Variants in LRP1 observed in about 807,000 individuals in gnomAD.
LRP1 encodes the protein prolow-density lipoprotein receptor-related protein 1.
In LRP1, 51 loss-of-function variants were observed where a neutral mutation model predicts 541.5. That is an observed-to-expected ratio of 0.09 (90% CI 0.08 to 0.12). The LOEUF (loss-of-function observed/expected upper bound fraction) is 0.12. Among genes scored for constraint, LRP1 ranks in the 10% least tolerant of loss-of-function variants. LRP1 has a pLI of 1.00. For synonymous variants in LRP1, 2,219 were observed against 2,470.8 expected, an observed-to-expected ratio of 0.90 and a Z score of 3.02; for missense variants, 3,878 against 6,376.2, an observed-to-expected ratio of 0.61 and a Z score of 13.34.
Position 57,201,705 on chromosome 12 carries a change from T to G in LRP1, c.10469-75T>G. The G allele has an allele frequency of 6.3e-7, 1 of 1,595,224 alleles. No homozygotes were observed. The highest frequency in any genetic ancestry group is 1.3e-5 in the African/African-American group (1 of 74,726). ...GACGTGTGACCCCCTCAGTGGCTGC[T>G]CCCTCACTCTCCCCACCCTCCCGGC... is the stretch of plus-strand genomic sequence containing the variant. On this transcript the variant is annotated intron_variant, in intron 66 of 88. Transcript: ENST00000243077. This position sits in a 1 kb window ranked among gnomAD's most constrained non-coding sequence, Gnocchi z 6.4.
chr12:57,185,309 AC>A lies in LRP1; in HGVS notation c.6463+107del. ...GTGAGAGGGCTGGGAGACAAGTTAG[AC>A]CCATGGGGCAACTTCCGATGGCCCG... On this transcript the variant is annotated intron_variant, in intron 40 of 88. Transcript: ENST00000243077. This position sits in a 1 kb window ranked among gnomAD's most constrained non-coding sequence, Gnocchi z 4.9. 1 of 1,499,452 alleles carries A rather than the reference AC, an allele frequency of 6.7e-7. No homozygotes were observed. Among genetic ancestry groups the A allele is most frequent in the African/African-American group, 1.4e-5 (1 of 72,072 alleles). 92.9% of individuals were successfully genotyped at this position (1,499,452 alleles called of 1,614,324 possible).
intron 10 of LRP1, among the ~76,000 whole-genome samples, chr12:57,157,161 G>A (rs2035638425): frequency 6.6e-6 from 1 of 152,254 alleles, no homozygotes; most frequent in Admixed American, 6.5e-5. Context: ...TGTCTAGTGA[G>A]CAGTGAGCAC....
intron 2 of LRP1, among the ~76,000 whole-genome samples, chr12:57,139,428 G>A (rs1021843441): frequency 2.6e-5 from 4 of 152,138 alleles, no homozygotes; most frequent in Non-Finnish European, 5.9e-5. Flanking sequence ...GGGGCCAGGG[G>A]TATTCAGCAA....
At chr12:57,146,991 C>A (rs1426814347) in intron 6 of LRP1, among the ~76,000 whole-genome samples, 1 of 152,046 alleles carries the variant, frequency 6.6e-6, no homozygotes, top group Non-Finnish European at 1.5e-5. Flanking sequence ...TATGGGGTGT[C>A]CTGGAGGTAA....
In LRP1 at chr12:57,210,318, G is replaced by A; in HGVS notation, c.12592G>A (p.Gly4198Arg). 1 of 1,559,496 alleles carries A rather than the reference G, an allele frequency of 6.4e-7. No homozygotes were observed. Among genetic ancestry groups the A allele is most frequent in the Non-Finnish European group, 8.7e-7 (1 of 1,150,100 alleles). ...GGCCCTTCCTGCAGCTCCCCGGCCT[G>A]GAACCTGTAACCTGCAGTGCTTCAA... ...PTPPPDAPRP[G>R]TCNLQCFNGG... Residue 4198 changes from glycine to arginine, a missense_variant, in exon 82 of 89, where the codon GGA becomes AGA. Gly to Arg is a moderately radical substitution (Grantham distance 125). This residue lies in a region of LRP1 where 871 missense variants were observed against 1,212.4 expected (regional missense o/e 0.72). Transcript: ENST00000243077.
chr12:57,157,012 T>A (rs765923814), intron 10 of LRP1, 92 bp downstream of exon 10: 14 of 1,401,176 alleles, frequency 1.0e-5, no homozygotes, highest in Non-Finnish European at 1.3e-5. Flanking sequence ...CTGTCTGACA[T>A]GCAGGGAGAT....
chr12:57,197,369 C>T lies in LRP1; in HGVS notation c.9147C>T (p.Tyr3049=), dbSNP rs140935293. The T allele has an allele frequency of 3.0e-5, 48 of 1,613,130 alleles. 1 individual carries two copies. The African/African-American group carries it at 6.1e-4, about 21-fold the overall frequency. The part of the protein sequence containing the change: ...LRKLNLDGSN[Y]TLLKQGLNNA... ...AGCTCAACCTGGACGGGTCCAACTA[C>T]ACGTTACTTAAGCAGGTACCAAACC... The change falls in exon 57 of 89, where the codon TAC becomes TAT. Residue 3049 remains tyrosine, a synonymous_variant. Coordinates refer to ENST00000243077, the MANE Select transcript of LRP1 (RefSeq NM_002332.3). The surrounding 1 kb of genome is among the most constrained non-coding windows in gnomAD (Gnocchi z 4.5).
chr12:57,168,045 T>A (rs1212941720), intron 19 of LRP1: 1 of 159,300 alleles, frequency 6.3e-6, no homozygotes, highest in East Asian at 1.9e-4. Flanking sequence ...GTTCTGTCTG[T>A]GTTGTGTTGT....
chr12:57,195,289 C>T lies in LRP1; in HGVS notation c.8327C>T (p.Pro2776Leu). The change falls in exon 52 of 89, where the codon CCC (proline) becomes CTC (leucine). Residue 2776 changes from proline to leucine, a missense_variant. This residue lies in a region of LRP1 where 1,100 missense variants were observed against 1,827.4 expected (regional missense o/e 0.60). Transcript: ENST00000243077. ...CCTACAGAAGGCAAGACGTGCGGCCCCTCCTCCTTCTCCTGCCCTGGCACC... is the reference window on the plus strand; with the variant it reads ...CCTACAGAAGGCAAGACGTGCGGCCTCTCCTCCTTCTCCTGCCCTGGCACC... Reference protein sequence around the residue: ...AAHCEGKTCGPSSFSCPGTHV... With the variant: ...AAHCEGKTCGLSSFSCPGTHV... 2 of 1,613,958 alleles carry T rather than the reference C, an allele frequency of 1.2e-6. No individual in the cohort carries two copies. Among genetic ancestry groups the T allele is most frequent in the East Asian group, 2.2e-5 (1 of 44,892 alleles).
intron 3 of LRP1, among the ~76,000 whole-genome samples, chr12:57,142,154 G>A (rs1284675709): frequency 6.6e-6 from 1 of 152,094 alleles, no homozygotes. Flanking sequence ...TTCCCCCAAA[G>A]GGCCCTGTGG....
At chr12:57,207,855 C>A (rs992225615) in intron 76 of LRP1, among the ~76,000 whole-genome samples, 183 bp from the exon 77 acceptor site, 1 of 152,250 alleles carries the variant, frequency 6.6e-6, no homozygotes, top group African/African-American at 2.4e-5. Context: ...TCAGGGAGGG[C>A]TCACCAGCCA....
Position 57,184,518 on chromosome 12 carries a change from A to T in LRP1, c.6186+66A>T. ...CTGACCCAGGCTCCTGTTCCCTGTGATGAGCCCATTCTGGGAGGACTTGGA... is the reference window on the plus strand; with the variant it reads ...CTGACCCAGGCTCCTGTTCCCTGTGTTGAGCCCATTCTGGGAGGACTTGGA... On this transcript the variant is annotated intron_variant, in intron 38 of 88. Transcript: ENST00000243077. This position sits in a 1 kb window ranked among gnomAD's most constrained non-coding sequence, Gnocchi z 7.8. 3.1e-6 allele frequency: 5 copies of T among 1,600,354 alleles called. No individual in the cohort carries two copies. Among genetic ancestry groups the T allele is most frequent in the Non-Finnish European group, 4.3e-6 (5 of 1,173,242 alleles).
At chr12:57,148,508 T>C (rs374859671) in intron 6 of LRP1, among the ~76,000 whole-genome samples, 1 of 152,088 alleles carries the variant, frequency 6.6e-6, no homozygotes, top group Non-Finnish European at 1.5e-5. Flanking sequence ...CCCAGCTTTG[T>C]CCAGCCTCCT....
At chr12:57,170,596 A>G (rs749267988) in intron 20 of LRP1, among the ~76,000 whole-genome samples, 2 of 152,134 alleles carry the variant, frequency 1.3e-5, no homozygotes, top group Non-Finnish European at 2.9e-5. Context: ...AGGCAGGAGG[A>G]TCACTTGTTT....
rs1252976522 is a variant in LRP1 at position 57,184,569 on chromosome 12, C to T, written c.6186+117C>T. ...GCCCAGGGGAAGTCACAGGGTCTCCCAGCCCAGCCCTCCACCCAGAGTAGG... is the reference window on the plus strand; with the variant it reads ...GCCCAGGGGAAGTCACAGGGTCTCCTAGCCCAGCCCTCCACCCAGAGTAGG... On this transcript the variant is annotated intron_variant, in intron 38 of 88. Coordinates refer to ENST00000243077, the MANE Select transcript of LRP1 (RefSeq NM_002332.3). This position sits in a 1 kb window ranked among gnomAD's most constrained non-coding sequence, Gnocchi z 7.8. The T allele has an allele frequency of 2.8e-6, 4 of 1,412,596 alleles. No homozygotes were observed. In the African/African-American group the frequency reaches 4.3e-5, roughly 15 times the overall value. The allele number at this position is 1,412,596 out of a possible 1,614,324, so 87.5% of individuals were successfully genotyped here.
rs766221506 is a variant in LRP1 at position 57,175,687 on chromosome 12, G to A, written c.3775G>A (p.Glu1259Lys). ...YEGWVLEPDGESCRSLDPFKP... is the reference protein window; with the variant it reads ...YEGWVLEPDGKSCRSLDPFKP... Reference sequence around the variant, plus strand: ...GGGCTGGGTCCTGGAACCTGACGGCGAGAGCTGCCGCAGCCTGGGTGAGAC... The same window carrying A: ...GGGCTGGGTCCTGGAACCTGACGGCAAGAGCTGCCGCAGCCTGGGTGAGAC... Residue 1259 changes from glutamate to lysine, a missense_variant, in exon 23 of 89, where the codon GAG becomes AAG. This residue lies in a region of LRP1 where 320 missense variants were observed against 547.9 expected (regional missense o/e 0.58). Transcript: ENST00000243077. 21 of 1,573,272 alleles carry A rather than the reference G, an allele frequency of 1.3e-5. No homozygotes were observed. Among genetic ancestry groups the A allele is most frequent in the African/African-American group, 8.1e-5 (6 of 74,274 alleles).
At position 57,152,073 on chromosome 12, in the gene LRP1, T is replaced by C. The variant is rs117756404; in HGVS notation, c.842-2135T>C. On this transcript the variant is annotated intron_variant, in intron 6 of 88. Coordinates refer to ENST00000243077, the MANE Select transcript of LRP1 (RefSeq NM_002332.3). ...AAGGGTAAATATCTGAGAGCAGGGA[T>C]GATCTCTCTGCCTTCCTTCCCGGAA... is the stretch of plus-strand genomic sequence containing the variant. Among the ~76,000 whole-genome samples, 1,223 of 152,198 alleles carry C rather than the reference T, an allele frequency of 8.0e-3. 11 individuals carry two copies. Among genetic ancestry groups the C allele is most frequent in the Middle Eastern group, 0.024 (7 of 294 alleles).
rs1044806828 is a variant in LRP1, at chr12:57,185,936, G to C, written c.6841+28G>C. The C allele has an allele frequency of 6.3e-7, 1 of 1,597,572 alleles. No homozygotes were observed. The highest frequency in any genetic ancestry group is 1.1e-5 in the South Asian group (1 of 88,530). ...GAGCCCAGACCCTAAGTCTTCCCAG[G>C]AAGTGGGACATGGGGCGGGGAGCAG... is the stretch of plus-strand genomic sequence containing the variant. On this transcript the variant is annotated intron_variant, in intron 41 of 88. Coordinates refer to ENST00000243077, the MANE Select transcript of LRP1 (RefSeq NM_002332.3). This position sits in a 1 kb window ranked among gnomAD's most constrained non-coding sequence, Gnocchi z 4.9.
In LRP1 at chr12:57,177,735, A is replaced by G; in HGVS notation, c.4361+144A>G. 1.0e-6 allele frequency: 1 copy of G among 954,992 alleles called. No homozygotes were observed. Among genetic ancestry groups the G allele is most frequent in the Non-Finnish European group, 1.5e-6 (1 of 652,050 alleles). 59.2% of individuals were successfully genotyped at this position (954,992 alleles called of 1,614,324 possible). On this transcript the variant is annotated intron_variant, in intron 26 of 88. Coordinates refer to ENST00000243077, the MANE Select transcript of LRP1 (RefSeq NM_002332.3). This position sits in a 1 kb window ranked among gnomAD's most constrained non-coding sequence, Gnocchi z 6.8. Reference sequence around the variant, plus strand: ...GCAAAGGACTGGGCACAGGAGGAGGAGGACGGAGGGGCGTGGGGAGGCCAG... The same window carrying G: ...GCAAAGGACTGGGCACAGGAGGAGGGGGACGGAGGGGCGTGGGGAGGCCAG...
Sources: gnomAD v4.1 joint callset for allele counts (sites outside exome capture counted in the v4.1 genomes callset) on GRCh38, gnomAD v4.1.1 for gene constraint, gnomAD v4.1.1 regional missense constraint, Gnocchi (gnomAD v3.1) non-coding constraint, MANE v1.5 for transcripts, NCBI Gene and HGNC (gene_info 2026-07-23, HGNC 2026-07-21) for gene names.